The following GPC5 variants were observed in gnomAD, a reference collection of about 807,000 sequenced individuals.
GPC5 encodes glypican 5, also known as glypican-5.
In GPC5, 47 loss-of-function variants were observed where a neutral mutation model predicts 53.9. The observed-to-expected ratio is 0.87, with a 90% CI of 0.69 to 1.11. The LOEUF is 1.11. GPC5 is among the 50% of genes most tolerant of loss of function. GPC5 has a pLI of 0.00. For synonymous variants in GPC5, 286 were observed against 263.3 expected (o/e 1.09, Z -0.84); for missense variants, 748 against 713.1 (o/e 1.05, Z -0.56).
intron 7 of GPC5, among the ~76,000 whole-genome samples, chr13:92,379,120 G>T (rs576138434): frequency 4.6e-5 from 7 of 152,170 alleles, no homozygotes; most frequent in Non-Finnish European, 1.0e-4. Flanking sequence ...TATTAATTTG[G>T]TGGGGCTCAG....
intron 1 of GPC5, among the ~76,000 whole-genome samples, chr13:91,439,120 C>A (rs1046842848): frequency 2.0e-5 from 3 of 152,246 alleles, no homozygotes; most frequent in Non-Finnish European, 4.4e-5. Flanking sequence ...AGGCTTCCTT[C>A]TCTGTTCCAA....
intron 6 of GPC5, chr13:91,996,183 T>C (rs2040502357): frequency 6.6e-6 from 1 of 152,260 alleles, no homozygotes; most frequent in African/African-American, 2.4e-5. Flanking sequence ...GTGGTTTATG[T>C]GTCTGTGTAG....
At chr13:92,445,126 A>T (rs1877744528) in intron 7 of GPC5, among the ~76,000 whole-genome samples, 1 of 151,052 alleles carries the variant, frequency 6.6e-6, no homozygotes, top group East Asian at 1.9e-4. Context: ...ATGAGTGCAA[A>T]TTTTTTCTTT....
At chr13:91,484,242 C>T (rs1000095439) in intron 2 of GPC5, among the ~76,000 whole-genome samples, 4 of 152,142 alleles carry the variant, frequency 2.6e-5, no homozygotes, top group African/African-American at 9.7e-5. Context: ...ATCCCTAGGG[C>T]CAGGGACAAA....
intron 7 of GPC5, among the ~76,000 whole-genome samples, chr13:92,480,357 T>C (rs544565761): frequency 6.6e-6 from 1 of 152,258 alleles, no homozygotes; most frequent in Non-Finnish European, 1.5e-5. Flanking sequence ...GTAAAAAGCT[T>C]AAATAATCTT....
At chr13:91,795,187 G>C (rs765792501) in intron 5 of GPC5, among the ~76,000 whole-genome samples, 3 of 152,138 alleles carry the variant, frequency 2.0e-5, no homozygotes, top group Non-Finnish European at 2.9e-5. Context: ...TTATTGAATA[G>C]AAGTTTGGTT....
chr13:92,293,225 G>A (rs547974381), intron 7 of GPC5, among the ~76,000 whole-genome samples: 1 of 151,766 alleles, frequency 6.6e-6, no homozygotes, highest in South Asian at 2.1e-4. Flanking sequence ...ATTTTGATGG[G>A]AATTATGTTG....
intron 7 of GPC5, among the ~76,000 whole-genome samples, chr13:92,857,249 A>G (rs1879030420): frequency 6.6e-6 from 1 of 152,188 alleles, no homozygotes; most frequent in Non-Finnish European, 1.5e-5. Context: ...TGGTACTGGG[A>G]AAACTGGCTA....
intron 2 of GPC5, among the ~76,000 whole-genome samples, chr13:91,480,316 T>C (rs1273942308): frequency 6.6e-6 from 1 of 152,218 alleles, no homozygotes; most frequent in East Asian, 1.9e-4. Flanking sequence ...TGTAGAGAAA[T>C]AGAAGACCAA....
intron 7 of GPC5, among the ~76,000 whole-genome samples, chr13:92,783,303 T>A (rs1052786342): frequency 1.3e-5 from 2 of 152,188 alleles, no homozygotes; most frequent in African/African-American, 4.8e-5. Flanking sequence ...TCATCACCTA[T>A]AGTAGACTGC....
intron 6 of GPC5, among the ~76,000 whole-genome samples, chr13:92,016,676 T>C (rs1202688469): frequency 6.6e-6 from 1 of 152,148 alleles, no homozygotes; most frequent in African/African-American, 2.4e-5. Flanking sequence ...TGACAGCCAT[T>C]TTAACTAAAA....
intron 2 of GPC5, among the ~76,000 whole-genome samples, chr13:91,567,411 A>T (rs2031583024): frequency 6.6e-6 from 1 of 152,180 alleles, no homozygotes; most frequent in African/African-American, 2.4e-5. Flanking sequence ...TTTAACTAAA[A>T]AAAGGGGGAT....
chr13:92,038,185 T>G (rs2138819036), intron 6 of GPC5, among the ~76,000 whole-genome samples: 1 of 152,126 alleles, frequency 6.6e-6, no homozygotes, highest in African/African-American at 2.4e-5. Flanking sequence ...TAAGGGTCAC[T>G]TTAAATCTGG....
intron 7 of GPC5, among the ~76,000 whole-genome samples, chr13:92,685,546 T>TTTTTTTTTTTTA (rs1555302901): frequency 1.1e-5 from 1 of 93,688 alleles, no homozygotes; most frequent in Non-Finnish European, 2.1e-5. Context: ...TTATGCTCAT[T>TTTTTTTTTTTTA]TTTTTTTTTT....
At chr13:92,305,784 C>T (rs1460901023) in intron 7 of GPC5, among the ~76,000 whole-genome samples, 1 of 152,080 alleles carries the variant, frequency 6.6e-6, no homozygotes, top group African/African-American at 2.4e-5. Flanking sequence ...GATCCCAAGC[C>T]TTTAGACTAC....
chr13:91,446,136 G>C (rs1396885553), intron 1 of GPC5, among the ~76,000 whole-genome samples: 1 of 152,034 alleles, frequency 6.6e-6, no homozygotes, highest in African/African-American at 2.4e-5. Flanking sequence ...GTTCCATCTG[G>C]TTTTATGTGG....
chr13:92,126,830 GTGTGTATGTATGCA>G (rs1344426708), intron 6 of GPC5, among the ~76,000 whole-genome samples: 4 of 151,124 alleles, frequency 2.6e-5, no homozygotes, highest in Non-Finnish European at 5.9e-5. Flanking sequence ...GTGTGTGTGT[GTGTGTATGTATGCA>G]TGTGTGTGCA....
At chr13:91,493,429 T>TAAAAAATAAAAAA (rs1884047883) in intron 2 of GPC5, among the ~76,000 whole-genome samples, 1 of 152,214 alleles carries the variant, frequency 6.6e-6, no homozygotes, top group Non-Finnish European at 1.5e-5. Flanking sequence ...TATAAAATAC[T>TAAAAAATAAAAAA]AGGTATTATT....
intron 2 of GPC5, among the ~76,000 whole-genome samples, chr13:91,513,732 C>T (rs188099432): frequency 4.9e-4 from 75 of 152,116 alleles, no homozygotes; most frequent in African/African-American, 1.5e-3. Context: ...CAGAGCGAGA[C>T]GCCATCTCAA....
Sources: allele counts gnomAD v4.1 joint callset (sites outside exome capture counted in the v4.1 genomes callset), GRCh38; gene constraint gnomAD v4.1.1; transcripts MANE v1.5; gene names NCBI Gene and HGNC (gene_info 2026-07-23, HGNC 2026-07-21).